Variants in PLEKHG1 observed in about 807,000 individuals in gnomAD.
PLEKHG1 encodes pleckstrin homology domain-containing family G member 1.
PLEKHG1 carries 44 observed loss-of-function variants against 100.8 expected under a neutral mutation model. The ratio of observed to expected loss-of-function variants is 0.44; its 90% CI spans 0.34 to 0.56. PLEKHG1 has a LOEUF of 0.56. PLEKHG1 is among the 20% of genes least tolerant of loss of function. The pLI is 0.01. For synonymous variants in PLEKHG1, 640 were observed against 662.5 expected (o/e 0.97, Z 0.52); for missense variants, 1,545 against 1,720.9 (o/e 0.90, Z 1.81).
intron 1 of PLEKHG1, among the ~76,000 whole-genome samples, chr6:150,730,689 G>C (rs908192332): frequency 6.6e-6 from 1 of 152,034 alleles, no homozygotes; most frequent in African/African-American, 2.4e-5. Context: ...GATCACCTGC[G>C]GTCAGGAGTT....
chr6:150,683,675 G>C lies in PLEKHG1; in HGVS notation c.-99+32889G>C. On this transcript the variant is annotated intron_variant, in intron 3 of 3. Coordinates refer to the PLEKHG1 transcript ENST00000367326. This position sits in a 1 kb window ranked among gnomAD's most constrained non-coding sequence, Gnocchi z 4.0. Reference sequence around the variant, plus strand: ...ACTGGCAAACTAAGGATGACAGAGTGTTCAATGATGCTGTTCAACTTGAAC... The same window carrying C: ...ACTGGCAAACTAAGGATGACAGAGTCTTCAATGATGCTGTTCAACTTGAAC... The C allele has an allele frequency of 1.5e-6, 1 of 654,328 alleles. No individual in the cohort carries two copies. The highest frequency in any genetic ancestry group is 1.8e-5 in the South Asian group (1 of 55,946). 40.5% of individuals were successfully genotyped at this position (654,328 alleles called of 1,614,324 possible). A position where few individuals can be genotyped will look rare whatever the true frequency, so the allele number is the denominator to read the frequency against.
intron 10 of PLEKHG1, among the ~76,000 whole-genome samples, chr6:150,816,326 CTTTTTTTTTT>C (rs1173343082): frequency 1.3e-3 from 52 of 41,128 alleles, no homozygotes; most frequent in South Asian, 5.2e-3. Context: ...CTCAAACATA[CTTTTTTTTTT>C]TTTTTTTTTT....
intron 3 of PLEKHG1, among the ~76,000 whole-genome samples, chr6:150,711,382 A>G (rs1189284157): frequency 6.6e-6 from 1 of 152,190 alleles, no homozygotes; most frequent in Non-Finnish European, 1.5e-5. Flanking sequence ...ATGCAAATAA[A>G]TATGGGAAAC....
At chr6:150,811,779 T>C (rs2128671424) in intron 10 of PLEKHG1, among the ~76,000 whole-genome samples, 1 of 152,164 alleles carries the variant, frequency 6.6e-6, no homozygotes, top group East Asian at 1.9e-4. Flanking sequence ...GCTGTGAGCA[T>C]GTGCTCTGAG....
chr6:150,724,558 C>CTTTTTTTTTTTTTTTTTTT (rs34140367), intron 1 of PLEKHG1, among the ~76,000 whole-genome samples: 9 of 100,472 alleles, frequency 9.0e-5, no homozygotes, highest in African/African-American at 2.7e-4. Flanking sequence ...TTTTCTTTTT[C>CTTTTTTTTTTTTTTTTTTT]TTTTTTTTTT....
At chr6:150,797,919 T>G (rs1018936337) in intron 5 of PLEKHG1, among the ~76,000 whole-genome samples, 3 of 147,366 alleles carry the variant, frequency 2.0e-5, no homozygotes, top group Non-Finnish European at 4.5e-5. Flanking sequence ...TGGCAAATAC[T>G]TTTCCTTGGA....
intron 2 of PLEKHG1, among the ~76,000 whole-genome samples, chr6:150,745,899 C>T (rs372259444): frequency 6.6e-5 from 10 of 152,088 alleles, no homozygotes; most frequent in Non-Finnish European, 1.0e-4. Flanking sequence ...CTGCCCACAC[C>T]GGCCACCCTG....
chr6:150,623,018 T>C (rs1242842829), intron 1 of PLEKHG1, among the ~76,000 whole-genome samples: 2 of 145,322 alleles, frequency 1.4e-5, no homozygotes, highest in South Asian at 2.3e-4. Flanking sequence ...TTAATGAGCA[T>C]CTTTTTTTTT....
chr6:150,810,478 AAG>A (rs1787429293), intron 10 of PLEKHG1, among the ~76,000 whole-genome samples: 1 of 101,620 alleles, frequency 9.8e-6, no homozygotes, highest in African/African-American at 3.5e-5. Context: ...AAAAGAAAGA[AAG>A]AAAGAAGGAA....
At position 150,804,838 on chromosome 6, in the gene PLEKHG1, A is replaced by G. The variant is rs1786962148; in HGVS notation, c.912+97A>G. 4 of 1,112,526 alleles carry G rather than the reference A, an allele frequency of 3.6e-6. No individual in the cohort carries two copies. In the South Asian group the frequency reaches 6.1e-5, roughly 17 times the overall value. 68.9% of individuals were successfully genotyped at this position (1,112,526 alleles called of 1,614,324 possible). A position where few individuals can be genotyped will look rare whatever the true frequency, so the allele number is the denominator to read the frequency against. ...TAAGGCTGCTCAAGTACTGCACTAC[A>G]CTCATCATCTTCAGTGTAGTTCTCC... On this transcript the variant is annotated intron_variant, in intron 7 of 15. Coordinates refer to ENST00000358517, the Ensembl canonical transcript of PLEKHG1.
chr6:150,831,365 T>TC lies in PLEKHG1; in HGVS notation c.2255dup (p.Leu753AlafsTer4), dbSNP rs1180371783. 6.2e-7 allele frequency: 1 copy of TC among 1,613,982 alleles called. No individual in the cohort carries two copies. The highest frequency in any genetic ancestry group is 1.3e-5 in the African/African-American group (1 of 74,928). ...CACCATAGGGCTCCCAGATCCTCCG[T>TC]CGCTGGGTTTTAAGTGCAGCAGCCT... On this transcript the variant is annotated frameshift_variant, in exon 15 of 16. Coordinates refer to ENST00000358517, the Ensembl canonical transcript of PLEKHG1. LOFTEE classifies it high-confidence loss of function. The surrounding 1 kb of genome is among the most constrained non-coding windows in gnomAD (Gnocchi z 4.1).
At chr6:150,715,835 G>A (rs1208002643) in intron 3 of PLEKHG1, among the ~76,000 whole-genome samples, 4 of 149,276 alleles carry the variant, frequency 2.7e-5, no homozygotes, top group Admixed American at 6.6e-5. Context: ...GCGGCCGGGC[G>A]CGGTGGCTCA....
chr6:150,763,493 G>A (rs1562497162), intron 2 of PLEKHG1, among the ~76,000 whole-genome samples: 1 of 152,152 alleles, frequency 6.6e-6, no homozygotes, highest in Non-Finnish European at 1.5e-5. Context: ...GGATTAACTA[G>A]GCCAAAAGTA....
intron 1 of PLEKHG1, among the ~76,000 whole-genome samples, chr6:150,614,876 C>T (rs1421318604): frequency 1.3e-5 from 2 of 152,176 alleles, no homozygotes; most frequent in African/African-American, 4.8e-5. Context: ...CTTATATATT[C>T]TCTTTTGAGT....
intron 3 of PLEKHG1, among the ~76,000 whole-genome samples, chr6:150,661,114 G>C (rs971529832): frequency 3.3e-5 from 5 of 152,170 alleles, no homozygotes; most frequent in African/African-American, 1.2e-4. Context: ...GGTTCTGTGA[G>C]CGAATTTGAA....
chr6:150,656,942 A>ACT (rs1778994793), intron 3 of PLEKHG1, among the ~76,000 whole-genome samples: 1 of 152,136 alleles, frequency 6.6e-6, no homozygotes. Context: ...CTAGTTAGGG[A>ACT]GTCTGTGGCC....
chr6:150,785,135 A>G lies in PLEKHG1; in HGVS notation c.513-1255A>G, dbSNP rs376695458. On this transcript the variant is annotated intron_variant, in intron 3 of 15. Coordinates refer to ENST00000358517, the Ensembl canonical transcript of PLEKHG1. ...AGTAAATAATACCTAAAGTTGAAAA[A>G]TAATGAAAACACATTATCAGCATGG... Among the ~76,000 whole-genome samples the G allele has an allele frequency of 1.4e-4, 21 of 152,366 alleles. No homozygotes were observed. In the East Asian group the frequency reaches 3.9e-3, roughly 28 times the overall value.
At chr6:150,800,434 C>T (rs1363720919) in intron 5 of PLEKHG1, among the ~76,000 whole-genome samples, 2 of 152,306 alleles carry the variant, frequency 1.3e-5, no homozygotes, top group East Asian at 3.9e-4. Context: ...ATAACTTTTG[C>T]CAAGCCATGG....
chr6:150,727,407 G>C (rs1333012144), intron 1 of PLEKHG1, among the ~76,000 whole-genome samples: 4 of 152,130 alleles, frequency 2.6e-5, no homozygotes, highest in Non-Finnish European at 4.4e-5. Context: ...AAGAAGCATT[G>C]CTTTTGATTC....
Sources: gnomAD v4.1 joint callset for allele counts (sites outside exome capture counted in the v4.1 genomes callset) on GRCh38, gnomAD v4.1.1 for gene constraint, Gnocchi (gnomAD v3.1) non-coding constraint, MANE v1.5 for transcripts, NCBI Gene and HGNC (gene_info 2026-07-23, HGNC 2026-07-21) for gene names.